Variants in LINC00632 observed in about 807,000 individuals in gnomAD.
The protein encoded by LINC00632 is ALDOA related specific transcript.
At chrX:140,714,170 G>A (rs758678174) in intron 2 of LINC00632, 2 of 171,263 alleles carry the variant, frequency 1.2e-5, no homozygotes, top group Non-Finnish European at 2.2e-5. Context: ...ATAGACTCAT[G>A]AGACAGCTTG....
rs921632105 is a variant in LINC00632, at chrX:140,759,682, T to C, written n.192-12396T>C. ...CTCGTGTATTCTTTGGGAACACCTA[T>C]GAGCCCAGCATTAAGGGGCTACACT... is the stretch of plus-strand genomic sequence containing the variant. On this transcript the variant is annotated intron_variant and non_coding_transcript_variant, in intron 3 of 4. Coordinates refer to ENST00000648200, the Ensembl canonical transcript of LINC00632. Among the ~76,000 whole-genome samples the C allele has an allele frequency of 3.6e-5, 4 of 111,122 alleles. No homozygotes were observed. The South Asian group carries it at 1.1e-3, about 32-fold the overall frequency.
exon 5 of LINC00632, among the ~76,000 whole-genome samples, chrX:140,775,877 C>A (rs1017533128): frequency 2.7e-5 from 3 of 110,397 alleles, no homozygotes; most frequent in African/African-American, 6.6e-5. Flanking sequence ...AGTCCAGTAA[C>A]TTTCTCCTCA....
At chrX:140,762,242 A>AGTGAGAGAGAGAGC (rs1286418753) in intron 3 of LINC00632, among the ~76,000 whole-genome samples, 1 of 99,793 alleles carries the variant, frequency 1.0e-5, no homozygotes, top group African/African-American at 3.8e-5. Flanking sequence ...AGAGAGAGAG[A>AGTGAGAGAGAGAGC]GCACTCTTAT....
exon 5 of LINC00632, among the ~76,000 whole-genome samples, chrX:140,790,890 T>C (rs1031492199): frequency 2.7e-5 from 3 of 112,032 alleles, no homozygotes; most frequent in African/African-American, 9.7e-5. Context: ...ACAGTAGTTT[T>C]TATTTTCATT....
exon 5 of LINC00632, chrX:140,783,162 T>C (rs73576536): frequency 6.6e-4 from 97 of 147,977 alleles, no homozygotes; most frequent in African/African-American, 2.9e-3. Context: ...CTTACAATGT[T>C]TCCAATGTCC....
exon 5 of LINC00632, among the ~76,000 whole-genome samples, chrX:140,775,751 GA>G (rs375734659): frequency 4.6e-5 from 5 of 108,009 alleles, no homozygotes; most frequent in African/African-American, 6.8e-5. Context: ...GTACAGTAAT[GA>G]AAAAAAAATG....
intron 3 of LINC00632, among the ~76,000 whole-genome samples, chrX:140,762,737 A>C (rs1179898066): frequency 2.7e-5 from 3 of 112,462 alleles, no homozygotes; most frequent in African/African-American, 9.7e-5. Flanking sequence ...GGTTACTATA[A>C]ACGTTTATTT....
At chrX:140,775,058 TATTTATGTTAAATTTCCAG>T (rs1303039296) in exon 5 of LINC00632, among the ~76,000 whole-genome samples, 1 of 112,111 alleles carries the variant, frequency 8.9e-6, no homozygotes, top group African/African-American at 3.2e-5. Context: ...AAAAGCAGTA[TATTTATGTTAAATTTCCAG>T]ATTTCCTTTG....
intron 3 of LINC00632, among the ~76,000 whole-genome samples, chrX:140,758,691 T>G (rs1931535605): frequency 8.9e-6 from 1 of 111,944 alleles, no homozygotes; most frequent in Non-Finnish European, 1.9e-5. Context: ...AGTTATATTT[T>G]CCTTATAGGT....
intron 3 of LINC00632, among the ~76,000 whole-genome samples, chrX:140,766,714 A>T (rs1046596279): frequency 4.5e-5 from 5 of 112,322 alleles, no homozygotes; most frequent in African/African-American, 1.6e-4. Context: ...AACAATGTAA[A>T]AGATGTATAA....
intron 3 of LINC00632, among the ~76,000 whole-genome samples, chrX:140,741,669 C>CT (rs1429533765): frequency 1.2e-4 from 13 of 111,858 alleles, no homozygotes; most frequent in African/African-American, 4.2e-4. Context: ...GGAAAGGACT[C>CT]TTTTGTCTCT....
At position 140,720,687 on chromosome X, in the gene LINC00632, G is replaced by A. The variant is rs111796147; in HGVS notation, n.104+9031G>A. Among the ~76,000 whole-genome samples, 894 of 111,901 alleles carry A rather than the reference G, an allele frequency of 8.0e-3. 9 individuals are homozygous for A. The highest frequency in any genetic ancestry group is 0.028 in the African/African-American group (847 of 30,798). ...ATTGTATGTATTATCGGACATGTCC[G>A]TATATTTTGGGGACAACTGAACTTA... On this transcript the variant is annotated intron_variant and non_coding_transcript_variant, in intron 2 of 4. Transcript: ENST00000648200.
chrX:140,739,824 T>TA (rs1037897960), intron 3 of LINC00632, among the ~76,000 whole-genome samples: 2 of 109,443 alleles, frequency 1.8e-5, no homozygotes, highest in African/African-American at 3.3e-5. Flanking sequence ...GAAGTGTGAT[T>TA]AAAAAAAAAT....
At chrX:140,730,356 G>A (rs1393484905) in intron 2 of LINC00632, among the ~76,000 whole-genome samples, 1 of 110,236 alleles carries the variant, frequency 9.1e-6, no homozygotes, top group Non-Finnish European at 1.9e-5. Context: ...AAAACATAAA[G>A]CTCATTATTC....
intron 3 of LINC00632, among the ~76,000 whole-genome samples, chrX:140,771,862 A>C (rs1455273453): frequency 9.4e-6 from 1 of 106,748 alleles, no homozygotes; most frequent in Non-Finnish European, 1.9e-5. Context: ...TTGCATTTTT[A>C]GTAGAGACGG....
At chrX:140,734,248 G>A (rs1331151801) in intron 3 of LINC00632, among the ~76,000 whole-genome samples, 4 of 111,574 alleles carry the variant, frequency 3.6e-5, no homozygotes, top group African/African-American at 9.8e-5. Context: ...TTGGAAAATG[G>A]TCTACTCCAT....
At chrX:140,740,382 A>G (rs1005678110) in intron 3 of LINC00632, among the ~76,000 whole-genome samples, 8 of 111,303 alleles carry the variant, frequency 7.2e-5, no homozygotes, top group Non-Finnish European at 1.5e-4. Context: ...GTTTTATATT[A>G]TATTTGGGAG....
intron 3 of LINC00632, among the ~76,000 whole-genome samples, chrX:140,750,725 G>T: frequency 5.4e-5 from 6 of 110,790 alleles, no homozygotes. Flanking sequence ...TCCGTCACCT[G>T]AGCAGTGTAC....
At chrX:140,714,944 C>G (rs1048432159) in intron 2 of LINC00632, 2 of 111,247 alleles carry the variant, frequency 1.8e-5, no homozygotes, top group Admixed American at 1.9e-4. Flanking sequence ...CCCAGAGTTA[C>G]CACACAATGC....
Sources: allele counts gnomAD v4.1 joint callset (sites outside exome capture counted in the v4.1 genomes callset), GRCh38; gene constraint gnomAD v4.1.1; transcripts MANE v1.5; gene names NCBI Gene and HGNC (gene_info 2026-07-23, HGNC 2026-07-21).